Variants in TST observed in about 807,000 individuals in gnomAD.
TST encodes epididymis secretory sperm binding protein.
A neutral mutation model predicts 20.4 loss-of-function variants in TST; 22 were observed. The observed-to-expected ratio is 1.08, with a 90% CI of 0.77 to 1.54. TST has a LOEUF of 1.54. TST is among the 40% of genes most tolerant of loss of function. The pLI is 0.00. For synonymous variants in TST, 187 were observed against 173.8 expected (o/e 1.08, Z -0.60); for missense variants, 392 against 405.2 (o/e 0.97, Z 0.28).
chr22:37,011,080 G>A lies in TST; in HGVS notation c.841C>T (p.Arg281Cys), dbSNP rs770892159. 1.3e-5 allele frequency: 21 copies of A among 1,612,526 alleles called. No homozygotes were observed. The highest frequency in any genetic ancestry group is 8.3e-5 in the Admixed American group (5 of 60,014). ...VYDGSWSEWF[R>C]RAPPESRVSQ... Reference sequence around the variant, plus strand: ...ACACGGCTCTCTGGGGGGGCCCGGCGAAACCACTCGGACCAGGAGCCATCG... The same window carrying A: ...ACACGGCTCTCTGGGGGGGCCCGGCAAAACCACTCGGACCAGGAGCCATCG... Residue 281 changes from arginine to cysteine, a missense_variant, in exon 3 of 3, where the codon CGC (arginine) becomes TGC (cysteine). By Grantham distance (180) the Arg-to-Cys change is radical (BLOSUM62 -3). Coordinates refer to ENST00000249042, the MANE Select transcript of TST (RefSeq NM_003312.6).
chr22:37,019,926 T>C, upstream of TST: 1 of 916,810 alleles, frequency 1.1e-6, no homozygotes, highest in Non-Finnish European at 1.4e-6. Flanking sequence ...GAGTGGCTCT[T>C]TGGGGGTGCT....
At chr22:37,017,972 C>A (rs1922748367) in intron 2 of TST, among the ~76,000 whole-genome samples, 166 bp downstream of exon 2, 1 of 152,140 alleles carries the variant, frequency 6.6e-6, no homozygotes, top group South Asian at 2.1e-4. Context: ...CTGAAAAAGC[C>A]TTTAGGTTTG....
upstream of TST, chr22:37,019,937 C>T (rs1306486783): frequency 3.9e-6 from 3 of 762,040 alleles, no homozygotes; most frequent in South Asian, 6.6e-5. Context: ...TGGGGGTGCT[C>T]GGCGCGGGGC....
chr22:37,019,050 T>G, intron 1 of TST: 1 of 293,206 alleles, frequency 3.4e-6, no homozygotes, highest in Non-Finnish European at 6.4e-6. Context: ...TCCTAGAAGT[T>G]ACAGTACTCG....
chr22:37,012,223 C>T (rs1386357826), intron 2 of TST, among the ~76,000 whole-genome samples: 1 of 152,146 alleles, frequency 6.6e-6, no homozygotes, highest in Non-Finnish European at 1.5e-5. Context: ...AGAATAGGGA[C>T]AGTGTGGGCC....
chr22:37,018,188 G>C lies in TST; in HGVS notation c.545C>G (p.Ser182Ter). 1 of 1,606,278 alleles carries C rather than the reference G, an allele frequency of 6.2e-7. No homozygotes were observed. The highest frequency in any genetic ancestry group is 8.5e-7 in the Non-Finnish European group (1 of 1,175,232). ...GCCCAGGAACCGCCCTTGAGACCTT[G>C]AATCCACCAGCTGGAACCTCTTAGA... ...LESKRFQLVD[S>*]RSQGRFLGTE... The change falls in exon 2 of 3, where the codon TCA becomes TGA. Residue 182 changes from serine to a stop codon, truncating the protein, a stop_gained. Transcript: ENST00000249042. LOFTEE classifies it high-confidence loss of function.
At chr22:37,014,997 C>A (rs1324308967) in intron 2 of TST, among the ~76,000 whole-genome samples, 1 of 152,120 alleles carries the variant, frequency 6.6e-6, no homozygotes. Flanking sequence ...GATTTTCAGT[C>A]CCATACAGCA....
chr22:37,016,872 C>A (rs1407150751), intron 2 of TST, among the ~76,000 whole-genome samples: 1 of 152,242 alleles, frequency 6.6e-6, no homozygotes, highest in Non-Finnish European at 1.5e-5. Context: ...AGCTATGCGG[C>A]CTTGGCCCCT....
upstream of TST, chr22:37,019,629 C>A: frequency 3.5e-6 from 1 of 289,452 alleles, no homozygotes; most frequent in Non-Finnish European, 6.4e-6. Flanking sequence ...AGGGGGACGC[C>A]GGGTGGCGCG....
chr22:37,017,931 G>A (rs1045103261), intron 2 of TST, among the ~76,000 whole-genome samples: 2 of 152,190 alleles, frequency 1.3e-5, no homozygotes, highest in African/African-American at 4.8e-5. Context: ...ATGGCTATGA[G>A]GACACATTCT....
upstream of TST, chr22:37,019,999 C>A: frequency 2.2e-6 from 1 of 464,994 alleles, no homozygotes; most frequent in Non-Finnish European, 3.5e-6. Context: ...AGAGAAGGCG[C>A]GCCGCTACGT....
intron 2 of TST, among the ~76,000 whole-genome samples, chr22:37,016,626 C>T (rs1252861785): frequency 6.6e-6 from 1 of 152,036 alleles, no homozygotes; most frequent in Non-Finnish European, 1.5e-5. Flanking sequence ...GCAAGAGAAC[C>T]AATTCCACTG....
At chr22:37,019,947 CT>C, upstream of TST, 1 of 728,302 alleles carries the variant, frequency 1.4e-6, no homozygotes, top group Non-Finnish European at 1.9e-6. Flanking sequence ...CGGCGCGGGG[CT>C]CCCGCGCGGG....
At chr22:37,011,353 G>A (rs201612901) in intron 2 of TST, 28 bp from the exon 3 acceptor site, 7 of 1,593,490 alleles carry the variant, frequency 4.4e-6, no homozygotes, top group Middle Eastern at 1.7e-4. Flanking sequence ...CACAGCTTAG[G>A]GGATGTATGA....
chr22:37,018,312 C>A lies in TST; in HGVS notation c.421G>T (p.Val141Leu). Residue 141 changes from valine (V) to leucine (L), a missense_variant, in exon 2 of 3, where the codon GTG (valine) becomes TTG (leucine). By Grantham distance (32) the Val-to-Leu change is conservative (BLOSUM62 1). Transcript: ENST00000249042. ...TCTGGGCGTGAGGGCTCGGATGTCA[C>A]CGGGTGGCCCTCCTTCAGCCAGTTC... ...FRNWLKEGHP[V>L]TSEPSRPEPA... 1 of 1,614,034 alleles carries A rather than the reference C, an allele frequency of 6.2e-7. No individual in the cohort carries two copies. The highest frequency in any genetic ancestry group is 8.5e-7 in the Non-Finnish European group (1 of 1,180,026).
chr22:37,019,088 A>C (rs1292241044), intron 1 of TST: 3 of 212,670 alleles, frequency 1.4e-5, no homozygotes, highest in Non-Finnish European at 1.9e-5. Context: ...CAATGAAAGC[A>C]TGCCCGGGAT....
intron 2 of TST, among the ~76,000 whole-genome samples, chr22:37,013,549 T>C (rs1437953175): frequency 6.6e-6 from 1 of 152,100 alleles, no homozygotes; most frequent in African/African-American, 2.4e-5. Context: ...CAGTGAGCTG[T>C]GATCATGCCA....
Position 37,018,571 on chromosome 22 carries a change from G to C in TST, c.162C>G (p.Pro54=). 1 of 1,564,170 alleles carries C rather than the reference G, an allele frequency of 6.4e-7. No homozygotes were observed. The highest frequency in any genetic ancestry group is 2.4e-5 in the East Asian group (1 of 41,856). The change falls in exon 2 of 3, where the codon CCC becomes CCG. Residue 54 remains proline (P), a synonymous_variant. Transcript: ENST00000249042. ...CTTCTATGTCAAAGAAAGAGGCGCC[G>C]GGTACGTGGCGCTCGAGGTACTCCT... ...ARKEYLERHV[P]GASFFDIEEC... is the part of the protein sequence containing the mutation.
intron 2 of TST, 105 bp downstream of exon 2, chr22:37,018,033 A>T (rs1922751938): frequency 4.8e-6 from 4 of 834,380 alleles, no homozygotes; most frequent in Non-Finnish European, 7.2e-6. Flanking sequence ...ACATGGGAGG[A>T]TTGAAGGCAT....
Sources: allele counts gnomAD v4.1 joint callset (sites outside exome capture counted in the v4.1 genomes callset), GRCh38; gene constraint gnomAD v4.1.1; transcripts MANE v1.5; gene names NCBI Gene and HGNC (gene_info 2026-07-23, HGNC 2026-07-21).